PRDM10: variants seen among roughly 807,000 people sequenced by gnomAD.
The protein encoded by PRDM10 is PR domain zinc finger protein 10.
Under a neutral mutation model 133.1 loss-of-function variants are expected in PRDM10, and 65 were observed. That is an observed-to-expected ratio of 0.49 (90% confidence interval 0.40 to 0.60). PRDM10 has a LOEUF of 0.60. Among genes scored for constraint, PRDM10 ranks in the 20% least tolerant of loss-of-function variants. PRDM10 has a pLI of 0.00. For synonymous variants in PRDM10, 582 were observed against 580.4 expected, an observed-to-expected ratio of 1.00 and a Z score of -0.04; for missense variants, 1,137 against 1,507.1, an observed-to-expected ratio of 0.75 and a Z score of 4.07.
chr11:129,908,366 G>T (rs924079531), intron 19 of PRDM10, among the ~76,000 whole-genome samples: 4 of 148,396 alleles, frequency 2.7e-5, no homozygotes, highest in Non-Finnish European at 4.4e-5. Flanking sequence ...CCCAGCACTT[G>T]GGGAGGTCAA....
At chr11:129,919,216 T>C (rs1950449319) in intron 13 of PRDM10, among the ~76,000 whole-genome samples, 1 of 151,946 alleles carries the variant, frequency 6.6e-6, no homozygotes, top group Admixed American at 6.6e-5. Flanking sequence ...ATGAAAAATA[T>C]AAAAATTAGC....
Position 129,923,199 on chromosome 11 carries a change from A to C in PRDM10, c.2034+49T>G. 1.3e-6 allele frequency: 2 copies of C among 1,507,478 alleles called. No homozygotes were observed. Among genetic ancestry groups the C allele is most frequent in the Non-Finnish European group, 1.8e-6 (2 of 1,123,874 alleles). The allele number at this position is 1,507,478 out of a possible 1,614,324, so 93.4% of individuals were successfully genotyped here. On this transcript the variant is annotated intron_variant, in intron 13 of 20. Transcript: ENST00000360871. The surrounding 1 kb of genome is among the most constrained non-coding windows in gnomAD (Gnocchi z 4.4). ...CAGGCATTTACCCTCAGCTTGCTAT[A>C]ATTCCAGTGGCCACGAGAACCACCT...
intron 8 of PRDM10, 29 bp downstream of exon 8, chr11:129,937,569 G>T: frequency 6.3e-7 from 1 of 1,592,514 alleles, no homozygotes. Context: ...AATTCATATA[G>T]AAAATGTAAA....
chr11:129,985,809 AATATATAT>A (rs1555114095), intron 1 of PRDM10, among the ~76,000 whole-genome samples: 81 of 61,090 alleles, frequency 1.3e-3, no homozygotes, highest in African/African-American at 5.9e-3. Flanking sequence ...AAAAAAAAAA[AATATATAT>A]ATATATATAT....
At chr11:129,955,718 A>C (rs1951683655) in intron 3 of PRDM10, 147 bp from the exon 4 acceptor site, 1 of 627,448 alleles carries the variant, frequency 1.6e-6, no homozygotes, top group Non-Finnish European at 2.7e-6. Flanking sequence ...ACAGAAAATA[A>C]AGATAGTAAT....
intron 1 of PRDM10, among the ~76,000 whole-genome samples, chr11:129,966,943 T>C (rs1160309798): frequency 2.0e-5 from 3 of 152,216 alleles, no homozygotes; most frequent in Admixed American, 6.5e-5. Flanking sequence ...AGAATCAGAC[T>C]CTTGGAGAAA....
chr11:129,944,504 GA>G (rs374158909), intron 6 of PRDM10, among the ~76,000 whole-genome samples: 6,468 of 150,918 alleles, frequency 0.043, 448 homozygotes, highest in African/African-American at 0.14. Context: ...AGAATGGCGT[GA>G]ACCCGGAAGG....
chr11:129,902,038 G>A lies in PRDM10; in HGVS notation c.*275C>T, dbSNP rs909810585. ...AGTAAGGCTCGTCAGTATGTTAAAA[G>A]ACCAGCTCAAGAGCAAGGCAAATTC... On this transcript the variant is annotated 3_prime_UTR_variant, in exon 21 of 21. Coordinates refer to ENST00000360871, the MANE Select transcript of PRDM10 (RefSeq NM_199437.2). 3 of 391,090 alleles carry A rather than the reference G, an allele frequency of 7.7e-6. No homozygotes were observed. Among genetic ancestry groups the A allele is most frequent in the Non-Finnish European group, 9.2e-6 (2 of 217,216 alleles). The allele number at this position is 391,090 out of a possible 1,614,324, so 24.2% of individuals were successfully genotyped here. A position where few individuals can be genotyped will look rare whatever the true frequency, so the allele number is the denominator to read the frequency against.
chr11:129,965,035 G>A (rs1591669734), intron 1 of PRDM10, among the ~76,000 whole-genome samples: 2 of 152,270 alleles, frequency 1.3e-5, no homozygotes, highest in Admixed American at 1.3e-4. Context: ...GCTGGGCGAG[G>A]TGGCTCACGC....
chr11:129,923,693 A>T lies in PRDM10; in HGVS notation c.1879-290T>A, dbSNP rs867574729. 1.5e-5 allele frequency among the ~76,000 whole-genome samples: 2 copies of T among 135,600 alleles called. No homozygotes were observed. The highest frequency in any genetic ancestry group is 3.2e-5 in the Non-Finnish European group (2 of 62,192). 89.0% of individuals were successfully genotyped at this position (135,600 alleles called of 152,430 possible). A position where few individuals can be genotyped will look rare whatever the true frequency, so the allele number is the denominator to read the frequency against. ...GAGAGAGAGAGAGAGAGAGAGAGAGAGTGCTTGCTTGGTCAAAGCCCTGAT... is the reference window on the plus strand; with the variant it reads ...GAGAGAGAGAGAGAGAGAGAGAGAGTGTGCTTGCTTGGTCAAAGCCCTGAT... On this transcript the variant is annotated intron_variant, in intron 12 of 20. Coordinates refer to ENST00000360871, the MANE Select transcript of PRDM10 (RefSeq NM_199437.2). The surrounding 1 kb of genome is among the most constrained non-coding windows in gnomAD (Gnocchi z 4.4).
chr11:129,903,710 CCCATTTGATT>C (rs918418792), intron 20 of PRDM10, among the ~76,000 whole-genome samples: 1 of 152,120 alleles, frequency 6.6e-6, no homozygotes. Flanking sequence ...TCGCCAAATA[CCCATTTGATT>C]CCACTAGGGC....
intron 1 of PRDM10, among the ~76,000 whole-genome samples, chr11:129,990,522 C>CAA (rs59217112): frequency 0.02 from 1,298 of 66,024 alleles, 17 homozygotes; most frequent in African/African-American, 0.022. Flanking sequence ...ACTTTGTCTC[C>CAA]AAAAAAAAAA....
intron 7 of PRDM10, 109 bp downstream of exon 7, chr11:129,942,317 C>T (rs1332405947): frequency 1.2e-5 from 13 of 1,096,008 alleles, no homozygotes; most frequent in South Asian, 1.1e-4. Context: ...AAATGACCCC[C>T]CTCCCCCTTT....
rs372821157 is a variant in PRDM10, at chr11:130,001,636, G to A, written c.-119+1086C>T. On this transcript the variant is annotated intron_variant, in intron 1 of 20. Coordinates refer to ENST00000360871, the MANE Select transcript of PRDM10 (RefSeq NM_199437.2). ...ACTCATCCACCAAGCAAGGCTAAAGGCGCGCACACAAATTCAACAGCGCTG... is the reference window on the plus strand; with the variant it reads ...ACTCATCCACCAAGCAAGGCTAAAGACGCGCACACAAATTCAACAGCGCTG... Among the ~76,000 whole-genome samples, 6 of 152,270 alleles carry A rather than the reference G, an allele frequency of 3.9e-5. No homozygotes were observed. The East Asian group carries it at 7.7e-4, about 20-fold the overall frequency.
At chr11:129,937,758 C>A in intron 7 of PRDM10, 88 bp from the exon 8 acceptor site, 1 of 1,217,212 alleles carries the variant, frequency 8.2e-7, no homozygotes. Context: ...TTACAGGAAA[C>A]AATTCAGGCT....
At chr11:129,977,907 G>A (rs563928920) in intron 1 of PRDM10, among the ~76,000 whole-genome samples, 6 of 152,072 alleles carry the variant, frequency 3.9e-5, no homozygotes, top group Non-Finnish European at 7.4e-5. Flanking sequence ...CAGTGAGTGC[G>A]GTGAGATCGC....
At chr11:129,924,828 G>A (rs1199710749) in intron 12 of PRDM10, 54 bp downstream of exon 12, 2 of 1,487,256 alleles carry the variant, frequency 1.3e-6, no homozygotes, top group Non-Finnish European at 1.8e-6. Flanking sequence ...AAAAATCGAA[G>A]TTTCTTTTAC....
At chr11:129,934,508 G>C (rs1565475750) in intron 9 of PRDM10, among the ~76,000 whole-genome samples, 1 of 151,828 alleles carries the variant, frequency 6.6e-6, no homozygotes, top group Non-Finnish European at 1.5e-5. Context: ...ATATAAGCTA[G>C]TGATTATTTT....
intron 4 of PRDM10, among the ~76,000 whole-genome samples, chr11:129,951,511 AT>A (rs1951581737): frequency 1.3e-5 from 2 of 152,208 alleles, no homozygotes; most frequent in Admixed American, 6.5e-5. Flanking sequence ...AATCCTGTGC[AT>A]TTTGTCATGT....
Sources: allele counts gnomAD v4.1 joint callset (sites outside exome capture counted in the v4.1 genomes callset), GRCh38; gene constraint gnomAD v4.1.1; non-coding constraint Gnocchi (gnomAD v3.1); transcripts MANE v1.5; gene names NCBI Gene and HGNC (gene_info 2026-07-23, HGNC 2026-07-21).